Variants in ATM observed in about 807,000 individuals in gnomAD.
ATM encodes the protein ATM serine/threonine kinase.
A neutral mutation model predicts 387.0 loss-of-function variants in ATM; 308 were observed. The observed-to-expected ratio is 0.80, with a 90% CI of 0.73 to 0.87. The LOEUF (loss-of-function observed/expected upper bound fraction) is 0.87, where lower values mean the gene tolerates loss of function less well. Among genes scored for constraint, ATM ranks in the 40% least tolerant of loss-of-function variants. The pLI is 0.00. For synonymous variants in ATM, 1,156 were observed against 1,187.3 expected (o/e 0.97, Z 0.54); for missense variants, 3,312 against 3,560.9 (o/e 0.93, Z 1.78).
intron 61 of ATM, among the ~76,000 whole-genome samples, chr11:108,358,165 C>A (rs929261333): frequency 6.6e-6 from 1 of 151,126 alleles, no homozygotes; most frequent in Non-Finnish European, 1.5e-5. Flanking sequence ...CCTCAGGAGC[C>A]GATGCGATCA....
At chr11:108,227,993 C>T in intron 3 of ATM, 105 bp downstream of exon 3, 5 of 957,866 alleles carry the variant, frequency 5.2e-6, no homozygotes, top group Non-Finnish European at 8.0e-6. Context: ...TCTTTGCTTC[C>T]TATATATCAT....
In ATM at chr11:108,282,866, G is replaced by A. The variant is rs2082308153; in HGVS notation, c.3733G>A (p.Glu1245Lys). 1 of 1,496,782 alleles carries A rather than the reference G, an allele frequency of 6.7e-7. No homozygotes were observed. The highest frequency in any genetic ancestry group is 9.3e-7 in the Non-Finnish European group (1 of 1,077,512). The allele number at this position is 1,496,782 out of a possible 1,614,324, so 92.7% of individuals were successfully genotyped here. The change falls in exon 25 of 63, where the codon GAG (glutamate) becomes AAG (lysine). Residue 1245 changes from glutamate (E) to lysine (K), a missense_variant. Transcript: ENST00000675843. ...PFILLNYTNI[E>K]DFYRSCYKVL... is the part of the protein sequence containing the mutation. ...TATTTTATTAAACTACACAAATATT[G>A]AGGATTTCTATAGGTAAGTTTATAC...
chr11:108,258,859 G>A (rs2080681454), intron 15 of ATM, 127 bp from the exon 16 acceptor site: 1 of 715,996 alleles, frequency 1.4e-6, no homozygotes, highest in East Asian at 2.7e-5. Context: ...TTTTGAAGCA[G>A]CATATATATT....
In ATM at chr11:108,258,861, A is replaced by G. The variant is rs927191527; in HGVS notation, c.2377-125A>G. On this transcript the variant is annotated intron_variant, in intron 15 of 62. Transcript: ENST00000675843. ...AGAAAAGATGTGTTTTTGAAGCAGCATATATATTGGCCCTAATAGTAAACT... is the reference window on the plus strand; with the variant it reads ...AGAAAAGATGTGTTTTTGAAGCAGCGTATATATTGGCCCTAATAGTAAACT... 12 of 718,682 alleles carry G rather than the reference A, an allele frequency of 1.7e-5. No individual in the cohort carries two copies. The African/African-American group carries it at 1.8e-4, about 11-fold the overall frequency. 44.5% of individuals were successfully genotyped at this position (718,682 alleles called of 1,614,324 possible).
chr11:108,332,965 G>A (rs945525041), intron 53 of ATM, 65 bp downstream of exon 53: 13 of 1,551,316 alleles, frequency 8.4e-6, no homozygotes, highest in Non-Finnish European at 1.1e-5. Context: ...AGATATATTA[G>A]TTATAGAGCC....
chr11:108,273,534 G>A (rs1430803375), intron 22 of ATM, among the ~76,000 whole-genome samples: 1 of 151,740 alleles, frequency 6.6e-6, no homozygotes, highest in South Asian at 2.1e-4. Context: ...TAGAGATGGA[G>A]TTTCACCATG....
intron 18 of ATM, among the ~76,000 whole-genome samples, chr11:108,270,270 A>G (rs1021218497): frequency 1.3e-5 from 2 of 152,154 alleles, no homozygotes; most frequent in African/African-American, 4.8e-5. Context: ...TTCCCTGCCC[A>G]TGATTATCTC....
intron 3 of ATM, 73 bp downstream of exon 3, chr11:108,227,961 T>C (rs192579843): frequency 1.6e-6 from 2 of 1,282,870 alleles, no homozygotes; most frequent in Admixed American, 1.8e-5. Context: ...ATATTACTTT[T>C]GTGTGTAAGT....
chr11:108,335,396 G>T (rs1264209670), intron 55 of ATM: 8 of 825,872 alleles, frequency 9.7e-6, no homozygotes, highest in Non-Finnish European at 1.4e-5. Context: ...AAATACTTTG[G>T]TGTCTGTCTC....
intron 60 of ATM, among the ~76,000 whole-genome samples, chr11:108,354,182 G>T (rs2089596220): frequency 6.6e-6 from 1 of 151,690 alleles, no homozygotes; most frequent in South Asian, 2.1e-4. Context: ...CTAAGGAAAA[G>T]ACCCTGGGTA....
chr11:108,278,246 GT>G (rs569647238), intron 22 of ATM, among the ~76,000 whole-genome samples: 58 of 152,200 alleles, frequency 3.8e-4, no homozygotes, highest in Non-Finnish European at 7.5e-4. Context: ...GTTTGGAACT[GT>G]TTTTAGTAAG....
In ATM at chr11:108,367,189, G is replaced by A. The variant is rs943226485; in HGVS notation, c.*1681G>A. 1.7e-5 allele frequency: 3 copies of A among 177,342 alleles called. No homozygotes were observed. The highest frequency in any genetic ancestry group is 1.9e-4 in the East Asian group (2 of 10,472). The allele number at this position is 177,342 out of a possible 1,614,324, so 11.0% of individuals were successfully genotyped here. A position where few individuals can be genotyped will look rare whatever the true frequency, so the allele number is the denominator to read the frequency against. On this transcript the variant is annotated 3_prime_UTR_variant, in exon 63 of 63. Transcript: ENST00000675843. ...TTTTTATTAGAGACGGAGTTTCACC[G>A]TGTTAGCCAGGATGGTCTCGATCGC...
intron 13 of ATM, 83 bp downstream of exon 13, chr11:108,254,122 A>G: frequency 7.4e-7 from 1 of 1,352,192 alleles, no homozygotes; most frequent in Non-Finnish European, 1.0e-6. Context: ...GGGGCAGGAA[A>G]AACAGCAAGG....
At chr11:108,322,506 G>T (rs2085310507) in intron 45 of ATM, among the ~76,000 whole-genome samples, 1 of 152,132 alleles carries the variant, frequency 6.6e-6, no homozygotes, top group South Asian at 2.1e-4. Flanking sequence ...AACATTCAGT[G>T]GATAGTGGAT....
chr11:108,292,920 T>A, intron 30 of ATM, 127 bp downstream of exon 30: 2 of 1,171,868 alleles, frequency 1.7e-6, no homozygotes, highest in Non-Finnish European at 2.4e-6. Context: ...GTAAAATGAT[T>A]GGAAAAATAT....
chr11:108,344,737 C>T (rs1011578202), intron 57 of ATM, among the ~76,000 whole-genome samples: 1 of 152,010 alleles, frequency 6.6e-6, no homozygotes, highest in Non-Finnish European at 1.5e-5. Flanking sequence ...GGTGTGGTAG[C>T]GCATGCCTGT....
chr11:108,268,047 T>A (rs994552184), intron 17 of ATM, among the ~76,000 whole-genome samples: 2 of 152,212 alleles, frequency 1.3e-5, no homozygotes, highest in African/African-American at 4.8e-5. Flanking sequence ...TCCAGGTAGT[T>A]GCTTTTCTTG....
chr11:108,284,611 C>G (rs2082398193), intron 26 of ATM, 138 bp downstream of exon 26: 1 of 1,191,196 alleles, frequency 8.4e-7, no homozygotes, highest in South Asian at 1.4e-5. Flanking sequence ...CTAGCATAGC[C>G]AACCCATGAA....
rs1219482379 is a variant in ATM, at chr11:108,252,918, T to A, written c.1898+6T>A. The A allele has an allele frequency of 6.3e-7, 1 of 1,596,036 alleles. No homozygotes were observed. The highest frequency in any genetic ancestry group is 1.7e-5 in the Admixed American group (1 of 59,898). On this transcript the variant is annotated splice_donor_region_variant and intron_variant, in intron 12 of 62. Coordinates refer to ENST00000675843, the MANE Select transcript of ATM (RefSeq NM_000051.4). ...TTCCAAAGCGTGCCAGAATGGTATG[T>A]TATCTAATAATGCTCTTTATCATTT...
Sources: allele counts gnomAD v4.1 joint callset (sites outside exome capture counted in the v4.1 genomes callset), GRCh38; gene constraint gnomAD v4.1.1; transcripts MANE v1.5; gene names NCBI Gene and HGNC (gene_info 2026-07-23, HGNC 2026-07-21).